AOPEP: variants seen among roughly 807,000 people sequenced by gnomAD.
The protein encoded by AOPEP is aminopeptidase O (putative).
In AOPEP, 77 loss-of-function variants were observed where a neutral mutation model predicts 98.1. That is an observed-to-expected ratio of 0.78 (90% CI 0.65 to 0.95). The LOEUF (loss-of-function observed/expected upper bound fraction) is 0.95, where lower values mean the gene tolerates loss of function less well. Among genes scored for constraint, AOPEP ranks in the 40% least tolerant of loss-of-function variants. The pLI is 0.00. For missense variants in AOPEP, 1,024 were observed against 1,024.7 expected (o/e 1.00, Z 0.01); for synonymous variants, 346 against 365.3 (o/e 0.95, Z 0.60).
chr9:94,780,333 C>G (rs1455599956), intron 3 of AOPEP, among the ~76,000 whole-genome samples: 1 of 152,158 alleles, frequency 6.6e-6, no homozygotes, highest in African/African-American at 2.4e-5. Context: ...ACTTTTATAA[C>G]CCCAGGAATA....
intron 13 of AOPEP, among the ~76,000 whole-genome samples, chr9:95,051,590 A>G (rs1055969123): frequency 6.6e-6 from 1 of 152,102 alleles, no homozygotes; most frequent in African/African-American, 2.4e-5. Flanking sequence ...CAGAGCTATC[A>G]TTTCATTGAT....
chr9:95,133,462 C>G, the AOPEP span, among the ~76,000 whole-genome samples: 4 of 152,224 alleles, frequency 2.6e-5, no homozygotes, highest in African/African-American at 9.6e-5. Flanking sequence ...AGCTGTGTGA[C>G]TCGTGGGAGA....
chr9:95,098,198 T>C, the AOPEP span, among the ~76,000 whole-genome samples: 2 of 152,192 alleles, frequency 1.3e-5, no homozygotes, highest in Admixed American at 1.3e-4. Flanking sequence ...CGGTTTTGAC[T>C]TCCCAGCATT....
At chr9:94,790,311 C>A (rs1032150650) in intron 3 of AOPEP, among the ~76,000 whole-genome samples, 1 of 152,078 alleles carries the variant, frequency 6.6e-6, no homozygotes, top group Admixed American at 6.5e-5. Context: ...GGATTACAGG[C>A]ACGTGCCATC....
chr9:94,971,928 G>A (rs2059560597), intron 10 of AOPEP, among the ~76,000 whole-genome samples: 4 of 152,214 alleles, frequency 2.6e-5, no homozygotes, highest in Admixed American at 2.6e-4. Context: ...TCAGGCACCT[G>A]TACCTCTAAC....
chr9:95,125,332 G>A, the AOPEP span: 1 of 705,832 alleles, frequency 1.4e-6, no homozygotes, highest in South Asian at 1.5e-5. Context: ...CAGTCCTTGT[G>A]TGAAAACAGG....
chr9:95,058,135 T>C (rs960397094), intron 13 of AOPEP, among the ~76,000 whole-genome samples: 5 of 152,242 alleles, frequency 3.3e-5, no homozygotes, highest in African/African-American at 9.6e-5. Flanking sequence ...AACTCAGATA[T>C]ACAGGTATGA....
intron 1 of AOPEP, among the ~76,000 whole-genome samples, chr9:94,733,093 C>T (rs148142192): frequency 6.1e-5 from 9 of 147,662 alleles, no homozygotes; most frequent in African/African-American, 1.7e-4. Context: ...TGTGTTTAAT[C>T]ATTTTCTTTC....
intron 10 of AOPEP, among the ~76,000 whole-genome samples, chr9:94,968,594 C>G (rs550192566): frequency 3.9e-5 from 6 of 152,280 alleles, no homozygotes; most frequent in Non-Finnish European, 8.8e-5. Context: ...CCAGGCTGGT[C>G]TCAAACTCCT....
At chr9:94,802,937 G>C (rs1019028005) in intron 5 of AOPEP, among the ~76,000 whole-genome samples, 1 of 152,116 alleles carries the variant, frequency 6.6e-6, no homozygotes, top group Admixed American at 6.6e-5. Flanking sequence ...TGCTTGGCTT[G>C]ACTCTGTCGG....
chr9:94,730,422 C>T (rs1437842445), intron 1 of AOPEP, among the ~76,000 whole-genome samples: 1 of 152,084 alleles, frequency 6.6e-6, no homozygotes, highest in Non-Finnish European at 1.5e-5. Flanking sequence ...GGCCTGTTTC[C>T]TAACAGCAGT....
intron 5 of AOPEP, among the ~76,000 whole-genome samples, chr9:94,920,505 C>G (rs1184833348): frequency 6.6e-6 from 1 of 152,132 alleles, no homozygotes; most frequent in African/African-American, 2.4e-5. Context: ...CCAGGGCCGC[C>G]AAGTGCTGGG....
intron 11 of AOPEP, among the ~76,000 whole-genome samples, chr9:94,998,849 C>T (rs936172167): frequency 2.0e-5 from 3 of 152,190 alleles, no homozygotes; most frequent in African/African-American, 7.2e-5. Context: ...CCCCTTTCTT[C>T]TGGTTTTGAT....
chr9:95,098,699 G>C, the AOPEP span, among the ~76,000 whole-genome samples: 3 of 152,206 alleles, frequency 2.0e-5, no homozygotes, highest in Non-Finnish European at 2.9e-5. Flanking sequence ...AAGAGTGGGT[G>C]GGCTATGCTG....
chr9:94,936,862 C>T (rs1248949145), intron 7 of AOPEP, among the ~76,000 whole-genome samples: 1 of 152,188 alleles, frequency 6.6e-6, no homozygotes, highest in Non-Finnish European at 1.5e-5. Context: ...CAGGGAAACA[C>T]TCACATTTAC....
chr9:95,058,904 G>C (rs1216098929), intron 13 of AOPEP, among the ~76,000 whole-genome samples: 4 of 152,194 alleles, frequency 2.6e-5, no homozygotes, highest in Non-Finnish European at 5.9e-5. Context: ...TGAAGGGTGA[G>C]ATGAACTGGA....
chr9:94,880,413 C>T (rs866770844), intron 5 of AOPEP, among the ~76,000 whole-genome samples: 17 of 146,838 alleles, frequency 1.2e-4, no homozygotes, highest in Non-Finnish European at 2.1e-4. Flanking sequence ...GTTGCCCAGG[C>T]TGGAGTGCCA....
chr9:94,777,607 T>C (rs952997402), intron 3 of AOPEP, among the ~76,000 whole-genome samples: 1 of 149,628 alleles, frequency 6.7e-6, no homozygotes, highest in African/African-American at 2.5e-5. Flanking sequence ...AAAAGGCTTG[T>C]ACCTAGAATT....
At chr9:94,996,383 TGTGTG>T (rs1564498091) in intron 11 of AOPEP, among the ~76,000 whole-genome samples, 4 of 142,860 alleles carry the variant, frequency 2.8e-5, no homozygotes, top group African/African-American at 1.0e-4. Flanking sequence ...TGTGTGTGTG[TGTGTG>T]TGTGAGAGAG....
Sources: allele counts gnomAD v4.1 joint callset (sites outside exome capture counted in the v4.1 genomes callset), GRCh38; gene constraint gnomAD v4.1.1; transcripts MANE v1.5; gene names NCBI Gene and HGNC (gene_info 2026-07-23, HGNC 2026-07-21).